Variants in MYH9 observed in about 807,000 individuals in gnomAD.
The protein encoded by MYH9 is myosin-9.
MYH9 carries 29 observed loss-of-function variants against 241.9 expected under a neutral mutation model. That is an observed-to-expected ratio of 0.12 (90% CI 0.09 to 0.16). The LOEUF is 0.16. Ranked by LOEUF, MYH9 falls within the 10% of genes least tolerant of loss-of-function variation. The probability of loss-of-function intolerance (pLI) is 1.00; values close to 1 mark genes in which losing one functional copy is unlikely to be tolerated. For synonymous variants in MYH9, 1,047 were observed against 1,062.6 expected (o/e 0.99, Z 0.29); for missense variants, 1,803 against 2,595.5 (o/e 0.69, Z 6.63).
intron 15 of MYH9, 24 bp downstream of exon 15, chr22:36,309,258 G>T: frequency 6.3e-7 from 1 of 1,594,140 alleles, no homozygotes; most frequent in South Asian, 1.1e-5. Context: ...AGAGGAGGCA[G>T]GGGGCGAAGG....
chr22:36,347,857 G>A (rs1409798875), intron 2 of MYH9, among the ~76,000 whole-genome samples: 1 of 151,324 alleles, frequency 6.6e-6, no homozygotes, highest in Non-Finnish European at 1.5e-5. Flanking sequence ...AATGGGCTTG[G>A]GGCAAATGGT....
chr22:36,358,132 T>C (rs1365452225), intron 1 of MYH9, among the ~76,000 whole-genome samples: 2 of 152,194 alleles, frequency 1.3e-5, no homozygotes, highest in Non-Finnish European at 2.9e-5. Context: ...TGGCGTGATC[T>C]TGGCTCACTG....
chr22:36,331,229 G>T (rs1210639170), intron 3 of MYH9, among the ~76,000 whole-genome samples: 1 of 152,104 alleles, frequency 6.6e-6, no homozygotes, highest in African/African-American at 2.4e-5. Flanking sequence ...AGGAAATGGT[G>T]TTCCTGTCGT....
intron 19 of MYH9, among the ~76,000 whole-genome samples, chr22:36,303,433 G>A (rs1344024126): frequency 6.6e-6 from 1 of 151,508 alleles, no homozygotes; most frequent in Admixed American, 6.6e-5. Context: ...CCTTCAGGCA[G>A]GCAAATCCAA....
intron 5 of MYH9, chr22:36,325,094 C>T (rs150629068): frequency 6.5e-6 from 5 of 774,830 alleles, no homozygotes; most frequent in African/African-American, 5.1e-5. Context: ...GAACTCCTAA[C>T]CTCACAGCTC....
Position 36,324,784 on chromosome 22 carries a change from C to T in MYH9, c.612+1784G>A, listed in dbSNP as rs925081977. Among the ~76,000 whole-genome samples the T allele has an allele frequency of 5.3e-5, 8 of 152,360 alleles. No individual in the cohort carries two copies. The South Asian group carries it at 1.7e-3, about 32-fold the overall frequency. On this transcript the variant is annotated intron_variant, in intron 5 of 40. Transcript: ENST00000216181. ...GCCTGGGGCAACCTACTCCCTCACT[C>T]TAGTGGGCTCAGGGCAGGGACGGGG...
At chr22:36,333,308 T>C (rs962709860) in intron 3 of MYH9, among the ~76,000 whole-genome samples, 7 of 152,216 alleles carry the variant, frequency 4.6e-5, no homozygotes, top group African/African-American at 1.7e-4. Flanking sequence ...GAGCGGTCGG[T>C]AGAAGGAAAG....
chr22:36,347,295 A>C (rs761438168), intron 2 of MYH9, among the ~76,000 whole-genome samples: 1 of 151,772 alleles, frequency 6.6e-6, no homozygotes, highest in African/African-American at 2.4e-5. Context: ...CTGGACTCTC[A>C]ATACACTTCC....
intron 1 of MYH9, among the ~76,000 whole-genome samples, chr22:36,383,410 T>C (rs981766937): frequency 7.2e-5 from 11 of 152,114 alleles, no homozygotes; most frequent in Non-Finnish European, 1.3e-4. Context: ...GCCGGGGCCC[T>C]GTGAAGAGGT....
chr22:36,303,713 A>AGGTGGAGGTTGCAGTGAGCCG (rs2016922393), intron 19 of MYH9, among the ~76,000 whole-genome samples: 1 of 138,904 alleles, frequency 7.2e-6, no homozygotes, highest in African/African-American at 2.7e-5. Flanking sequence ...TGAACGTGGG[A>AGGTGGAGGTTGCAGTGAGCCG]GGTGGAGGTT....
intron 1 of MYH9, among the ~76,000 whole-genome samples, chr22:36,356,580 CAAAAAAA>C (rs34880972): frequency 2.4e-3 from 58 of 24,660 alleles, no homozygotes; most frequent in South Asian, 5.6e-3. Flanking sequence ...GACTCCATCT[CAAAAAAA>C]AAAAAAAAAA....
At chr22:36,379,378 G>A (rs1186052487) in intron 1 of MYH9, among the ~76,000 whole-genome samples, 5 of 152,168 alleles carry the variant, frequency 3.3e-5, no homozygotes, top group African/African-American at 4.8e-5. Flanking sequence ...GCGTGGTGGC[G>A]GGTGCCTGTA....
intron 1 of MYH9, among the ~76,000 whole-genome samples, chr22:36,367,905 A>T (rs540260809): frequency 1.3e-5 from 2 of 152,278 alleles, no homozygotes; most frequent in East Asian, 3.9e-4. Flanking sequence ...TTGCACACAC[A>T]CAGATATGCA....
chr22:36,293,439 T>C lies in MYH9; in HGVS notation c.3985A>G (p.Thr1329Ala). The change falls in exon 30 of 41, where the codon ACC becomes GCC. Residue 1329 changes from threonine to alanine, a missense_variant. By Grantham distance (58) the Thr-to-Ala change is moderately conservative (BLOSUM62 0). Transcript: ENST00000216181. This position sits in a 1 kb window ranked among gnomAD's most constrained non-coding sequence, Gnocchi z 5.1. ...EENRQKLSLSTKLKQVEDEKN... is the reference protein window; with the variant it reads ...EENRQKLSLSAKLKQVEDEKN... ...TCGTCCTCCACCTGCTTGAGCTTGG[T>C]GCTCAGGCTCAGCTTCTGCCGGTTC... 6.2e-7 allele frequency: 1 copy of C among 1,613,834 alleles called. No homozygotes were observed. Among genetic ancestry groups the C allele is most frequent in the Non-Finnish European group, 8.5e-7 (1 of 1,180,018 alleles).
intron 2 of MYH9, among the ~76,000 whole-genome samples, chr22:36,343,923 G>A (rs988507378): frequency 2.0e-5 from 3 of 152,180 alleles, no homozygotes; most frequent in African/African-American, 7.2e-5. Flanking sequence ...ATCCAGCCCA[G>A]GAAAACCAAG....
At position 36,306,771 on chromosome 22, in the gene MYH9, TC is replaced by T. The variant is rs1350761742; in HGVS notation, c.1844-165del. On this transcript the variant is annotated intron_variant, in intron 15 of 40. Coordinates refer to ENST00000216181, the MANE Select transcript of MYH9 (RefSeq NM_002473.6). This position sits in a 1 kb window ranked among gnomAD's most constrained non-coding sequence, Gnocchi z 4.1. The stretch of plus-strand genomic sequence containing the variant: ...GAGCCTACACTGGGTGCTAAGGTCA[TC>T]CCCAAACACAGCGGGAAGCCAAGGG... Among the ~76,000 whole-genome samples the T allele has an allele frequency of 6.6e-6, 1 of 152,044 alleles. No individual in the cohort carries two copies. Among genetic ancestry groups the T allele is most frequent in the Non-Finnish European group, 1.5e-5 (1 of 68,000 alleles).
rs2017741699 is a variant in MYH9, at chr22:36,350,079, C to CA, written c.-19-825dup. On this transcript the variant is annotated intron_variant, in intron 1 of 40. Transcript: ENST00000216181. Reference sequence around the variant, plus strand: ...TTAATTCCATCTTGATAATACAGCCCAAAAAAAGCACAGAGAAAAGATGCC... The same window carrying CA: ...TTAATTCCATCTTGATAATACAGCCCAAAAAAAAGCACAGAGAAAAGATGCC... Among the ~76,000 whole-genome samples, 7 of 152,112 alleles carry CA rather than the reference C, an allele frequency of 4.6e-5. No homozygotes were observed. In the South Asian group the frequency reaches 1.5e-3, roughly 32 times the overall value.
chr22:36,320,140 C>G lies in MYH9; in HGVS notation c.1012+80G>C. ...CCTCTAGCAGGCTCCCCAGGCCCAT[C>G]GGCTACCCTGATGCCCCGAGGCCGT... On this transcript the variant is annotated intron_variant, in intron 9 of 40. Transcript: ENST00000216181. This position sits in a 1 kb window ranked among gnomAD's most constrained non-coding sequence, Gnocchi z 4.8. 2 of 1,563,652 alleles carry G rather than the reference C, an allele frequency of 1.3e-6. No homozygotes were observed. The highest frequency in any genetic ancestry group is 8.7e-7 in the Non-Finnish European group (1 of 1,154,372).
intron 10 of MYH9, among the ~76,000 whole-genome samples, 194 bp from the exon 11 acceptor site, chr22:36,318,519 C>T (rs528329364): frequency 1.3e-5 from 2 of 152,318 alleles, no homozygotes; most frequent in South Asian, 4.1e-4. Flanking sequence ...CCACAGACAC[C>T]TAGCACCCCC....
Sources: gnomAD v4.1 joint callset for allele counts (sites outside exome capture counted in the v4.1 genomes callset) on GRCh38, gnomAD v4.1.1 for gene constraint, Gnocchi (gnomAD v3.1) non-coding constraint, MANE v1.5 for transcripts, NCBI Gene and HGNC (gene_info 2026-07-23, HGNC 2026-07-21) for gene names.